Variants in HPSE2 observed in about 807,000 individuals in gnomAD.
HPSE2 encodes the protein inactive heparanase-2.
HPSE2 carries 38 observed loss-of-function variants against 60.5 expected under a neutral mutation model. That is an observed-to-expected ratio of 0.63 (90% confidence interval 0.48 to 0.82). The LOEUF (loss-of-function observed/expected upper bound fraction) is 0.82, where lower values mean the gene tolerates loss of function less well. Ranked by LOEUF, HPSE2 falls within the 40% of genes least tolerant of loss-of-function variation. The probability of loss-of-function intolerance (pLI) is 0.00; values close to 1 mark genes in which losing one functional copy is unlikely to be tolerated. For missense variants in HPSE2, 713 were observed against 740.4 expected (o/e 0.96, Z 0.43); for synonymous variants, 295 against 293.2 (o/e 1.01, Z -0.06).
chr10:98,789,315 G>A (rs1950605007), intron 3 of HPSE2, among the ~76,000 whole-genome samples: 1 of 152,194 alleles, frequency 6.6e-6, no homozygotes, highest in South Asian at 2.1e-4. Context: ...CATTAACATA[G>A]TTGGAACAGT....
chr10:99,075,508 G>C (rs547512203), intron 3 of HPSE2, among the ~76,000 whole-genome samples: 1 of 152,104 alleles, frequency 6.6e-6, no homozygotes, highest in African/African-American at 2.4e-5. Flanking sequence ...CTCTGTTGTT[G>C]GGTTAAATAA....
intron 4 of HPSE2, among the ~76,000 whole-genome samples, chr10:98,733,495 A>G (rs1170990793): frequency 6.6e-6 from 1 of 152,112 alleles, no homozygotes; most frequent in Non-Finnish European, 1.5e-5. Flanking sequence ...AAAAGTAATA[A>G]CCATAGGGCA....
rs1942450584 is a variant in HPSE2 at position 98,512,626 on chromosome 10, G to A, written c.1321-22430C>T. 4.0e-5 allele frequency among the ~76,000 whole-genome samples: 6 copies of A among 151,846 alleles called. 1 individual carries two copies. The South Asian group carries it at 1.2e-3, about 32-fold the overall frequency. On this transcript the variant is annotated intron_variant, in intron 9 of 11. Transcript: ENST00000370552. The stretch of plus-strand genomic sequence containing the variant: ...GTCAAATGGCTTCCCATTTCTTGCT[G>A]GGTAAAGTAGGAAGATCAGTGCTTT...
chr10:98,939,360 TA>T lies in HPSE2; in HGVS notation c.611-195305del, dbSNP rs1466955076. On this transcript the variant is annotated intron_variant, in intron 3 of 11. Transcript: ENST00000370552. ...TCCATCTCACGTGCAGAGACACACA[TA>T]GGCTCAAAATAAAAGGATGGAGGAA... is the stretch of plus-strand genomic sequence containing the variant. Among the ~76,000 whole-genome samples, 3 of 143,202 alleles carry T rather than the reference TA, an allele frequency of 2.1e-5. 1 individual carries two copies. The highest frequency in any genetic ancestry group is 4.5e-5 in the Non-Finnish European group (3 of 67,058). 93.9% of individuals were successfully genotyped at this position (143,202 alleles called of 152,430 possible). A position where few individuals can be genotyped will look rare whatever the true frequency, so the allele number is the denominator to read the frequency against.
chr10:99,182,828 C>G (rs1847827673), intron 2 of HPSE2, among the ~76,000 whole-genome samples: 1 of 151,942 alleles, frequency 6.6e-6, no homozygotes, highest in Non-Finnish European at 1.5e-5. Context: ...AACCCTGTCT[C>G]TACTAAAAAT....
At chr10:99,229,472 C>T (rs1028473335) in intron 2 of HPSE2, among the ~76,000 whole-genome samples, 1 of 152,116 alleles carries the variant, frequency 6.6e-6, no homozygotes, top group African/African-American at 2.4e-5. Context: ...CTGAAGTTGC[C>T]TTTAATGAAT....
intron 3 of HPSE2, among the ~76,000 whole-genome samples, chr10:98,766,225 C>T (rs1056956220): frequency 3.3e-5 from 5 of 151,972 alleles, no homozygotes; most frequent in East Asian, 1.9e-4. Context: ...AAAATTCATT[C>T]GAGAAAAAAC....
At chr10:99,053,405 A>G (rs905367823) in intron 3 of HPSE2, among the ~76,000 whole-genome samples, 4 of 152,086 alleles carry the variant, frequency 2.6e-5, no homozygotes, top group African/African-American at 9.7e-5. Flanking sequence ...TAGAAGAATT[A>G]AAATAAAACA....
chr10:98,551,981 C>G lies in HPSE2; in HGVS notation c.1321-61785G>C, dbSNP rs959803379. ...ATTTTTTCTGGTAGGTTTTAATAAC[C>G]AGGCAAACTTGGCAAACACCTAACT... On this transcript the variant is annotated intron_variant, in intron 9 of 11. Coordinates refer to ENST00000370552, the MANE Select transcript of HPSE2 (RefSeq NM_021828.5). Among the ~76,000 whole-genome samples, 13 of 152,140 alleles carry G rather than the reference C, an allele frequency of 8.5e-5. No homozygotes were observed. In the South Asian group the frequency reaches 2.3e-3, roughly 27 times the overall value.
At chr10:99,069,858 A>G (rs1265548159) in intron 3 of HPSE2, among the ~76,000 whole-genome samples, 1 of 152,086 alleles carries the variant, frequency 6.6e-6, no homozygotes, top group Non-Finnish European at 1.5e-5. Flanking sequence ...ACATGAAAAA[A>G]AACTATACTT....
At chr10:98,917,934 C>T (rs1185811161) in intron 3 of HPSE2, among the ~76,000 whole-genome samples, 1 of 152,142 alleles carries the variant, frequency 6.6e-6, no homozygotes, top group Non-Finnish European at 1.5e-5. Context: ...TATAATTGTT[C>T]AGGTACAGGT....
At chr10:98,781,526 T>C (rs1279262853) in intron 3 of HPSE2, among the ~76,000 whole-genome samples, 6 of 152,172 alleles carry the variant, frequency 3.9e-5, no homozygotes, top group African/African-American at 1.2e-4. Context: ...CAGAAAGACG[T>C]ACACCTAAAT....
intron 9 of HPSE2, among the ~76,000 whole-genome samples, chr10:98,552,853 T>C (rs1943901718): frequency 6.6e-6 from 1 of 152,148 alleles, no homozygotes. Context: ...CAGCCTCTTC[T>C]ATAACATTTA....
intron 9 of HPSE2, among the ~76,000 whole-genome samples, chr10:98,536,328 T>G (rs1288539534): frequency 1.3e-5 from 2 of 152,248 alleles, no homozygotes; most frequent in Non-Finnish European, 2.9e-5. Flanking sequence ...CACAACTATT[T>G]CTTTATTGCT....
intron 3 of HPSE2, among the ~76,000 whole-genome samples, chr10:98,887,920 T>TATAATA (rs3979238): frequency 0.84 from 124,076 of 147,460 alleles, 52,626 homozygotes; most frequent in African/African-American, 0.93. Context: ...AAACTTAATG[T>TATAATA]ATAATAATAA....
chr10:99,293,856 TATAA>T, the HPSE2 span, among the ~76,000 whole-genome samples: 1 of 152,104 alleles, frequency 6.6e-6, no homozygotes, highest in African/African-American at 2.4e-5. Context: ...CAGAGAAAGG[TATAA>T]ATGTCTTATT....
At chr10:98,954,813 T>C (rs2135207521) in intron 3 of HPSE2, among the ~76,000 whole-genome samples, 1 of 152,126 alleles carries the variant, frequency 6.6e-6, no homozygotes, top group Admixed American at 6.6e-5. Context: ...TCATTATATA[T>C]ATAGCTTAGG....
chr10:98,534,572 T>C (rs946312531), intron 9 of HPSE2, among the ~76,000 whole-genome samples: 8 of 152,226 alleles, frequency 5.3e-5, no homozygotes, highest in Admixed American at 2.6e-4. Flanking sequence ...ACCCGACTAA[T>C]TTTTGTATTT....
At position 98,872,972 on chromosome 10, in the gene HPSE2, T is replaced by G. The variant is rs540493049; in HGVS notation, c.611-128916A>C. Reference sequence around the variant, plus strand: ...AATGTGGCTTCCGTTGAAGGGACACTAAGCAGCATCTGCTTGCTCTGTTTA... The same window carrying G: ...AATGTGGCTTCCGTTGAAGGGACACGAAGCAGCATCTGCTTGCTCTGTTTA... On this transcript the variant is annotated intron_variant, in intron 3 of 11. Transcript: ENST00000370552. 3.5e-3 allele frequency among the ~76,000 whole-genome samples: 533 copies of G among 152,258 alleles called. 7 individuals are homozygous for G. Among genetic ancestry groups the G allele is most frequent in the South Asian group, 0.031 (152 of 4,828 alleles).
Sources: allele counts gnomAD v4.1 joint callset (sites outside exome capture counted in the v4.1 genomes callset), GRCh38; gene constraint gnomAD v4.1.1; transcripts MANE v1.5; gene names NCBI Gene and HGNC (gene_info 2026-07-23, HGNC 2026-07-21).